The following CUBN variants were observed in gnomAD, a reference collection of about 807,000 sequenced individuals.
CUBN encodes 460 kDa receptor.
A neutral mutation model predicts 405.3 loss-of-function variants in CUBN; 282 were observed. The observed-to-expected ratio is 0.70, with a 90% confidence interval of 0.63 to 0.77. The LOEUF is 0.77. CUBN is among the 30% of genes least tolerant of loss of function. The pLI, the probability that CUBN is intolerant of heterozygous loss-of-function variation, is 0.00. For missense variants in CUBN, 4,514 were observed against 4,475.2 expected (o/e 1.01, Z -0.25); for synonymous variants, 1,684 against 1,617.0 (o/e 1.04, Z -0.99).
chr10:16,902,605 T>C (rs935571410), intron 51 of CUBN, among the ~76,000 whole-genome samples: 8 of 152,062 alleles, frequency 5.3e-5, no homozygotes, highest in African/African-American at 1.9e-4. Context: ...GAGTAGATAA[T>C]CAATTTCACT....
chr10:17,078,187 T>A (rs1835891959), intron 17 of CUBN, among the ~76,000 whole-genome samples: 1 of 152,192 alleles, frequency 6.6e-6, no homozygotes, highest in African/African-American at 2.4e-5. Flanking sequence ...GCATATAGAA[T>A]ATAACCCAGG....
chr10:17,123,573 G>C lies in CUBN; in HGVS notation c.489+15C>G. On this transcript the variant is annotated intron_variant, in intron 5 of 66. Coordinates refer to ENST00000377833, the MANE Select transcript of CUBN (RefSeq NM_001081.4). ...TGACCTGCCATCATTCTTAACCAAA[G>C]AGTAGATGACTCACCTTCCACTGTG... 3.8e-6 allele frequency: 6 copies of C among 1,578,222 alleles called. No individual in the cohort carries two copies. Among genetic ancestry groups the C allele is most frequent in the Non-Finnish European group, 5.2e-6 (6 of 1,148,014 alleles).
intron 6 of CUBN, among the ~76,000 whole-genome samples, chr10:17,119,111 A>C (rs1484035921): frequency 6.6e-6 from 1 of 152,226 alleles, no homozygotes; most frequent in African/African-American, 2.4e-5. Context: ...AAAAGGTAAT[A>C]AGTTTAATAC....
chr10:16,976,168 C>T (rs1833087078), intron 31 of CUBN, among the ~76,000 whole-genome samples: 1 of 151,788 alleles, frequency 6.6e-6, no homozygotes, highest in African/African-American at 2.4e-5. Flanking sequence ...GACAGGGTCT[C>T]ACTACATTGC....
chr10:16,958,323 A>G (rs528790922), intron 31 of CUBN, among the ~76,000 whole-genome samples: 2 of 152,228 alleles, frequency 1.3e-5, no homozygotes, highest in South Asian at 4.2e-4. Context: ...TTTTCTCAAG[A>G]CCAGCCTGGC....
rs545151697 is a variant in CUBN at position 16,861,454 on chromosome 10, G to C, written c.9454+8182C>G. The stretch of plus-strand genomic sequence containing the variant: ...TGGGATTACAGGCGTGAGCCAGCAT[G>C]CCTGGCCAATGAATGCCTTCTTATC... On this transcript the variant is annotated intron_variant, in intron 59 of 66. Coordinates refer to ENST00000377833, the MANE Select transcript of CUBN (RefSeq NM_001081.4). Among the ~76,000 whole-genome samples, 5 of 152,282 alleles carry C rather than the reference G, an allele frequency of 3.3e-5. No individual in the cohort carries two copies. In the South Asian group the frequency reaches 1.0e-3, roughly 32 times the overall value.
At chr10:16,995,769 A>T (rs1833715873) in intron 28 of CUBN, among the ~76,000 whole-genome samples, 1 of 152,186 alleles carries the variant, frequency 6.6e-6, no homozygotes, top group Non-Finnish European at 1.5e-5. Context: ...GTGCACAAAA[A>T]TTTTTTAAAA....
At chr10:16,968,150 C>T (rs558867740) in intron 31 of CUBN, among the ~76,000 whole-genome samples, 2 of 152,116 alleles carry the variant, frequency 1.3e-5, no homozygotes, top group Non-Finnish European at 2.9e-5. Flanking sequence ...TGTCTGTTTG[C>T]TCTGCTTTGG....
intron 22 of CUBN, among the ~76,000 whole-genome samples, chr10:17,064,926 C>G (rs1364677355): frequency 6.6e-6 from 1 of 152,092 alleles, no homozygotes; most frequent in African/African-American, 2.4e-5. Flanking sequence ...ATTCCTTTCC[C>G]TGGAATTTCA....
At chr10:17,105,751 TTCTTA>T (rs1252990732) in intron 10 of CUBN, among the ~76,000 whole-genome samples, 176 bp from the exon 11 acceptor site, 1 of 152,220 alleles carries the variant, frequency 6.6e-6, no homozygotes, top group African/African-American at 2.4e-5. Flanking sequence ...ATTTTTGTAT[TTCTTA>T]TCTTAAAATA....
intron 56 of CUBN, among the ~76,000 whole-genome samples, chr10:16,883,933 G>A (rs557777908): frequency 1.3e-5 from 2 of 152,182 alleles, no homozygotes; most frequent in African/African-American, 4.8e-5. Flanking sequence ...TATCACCAAG[G>A]TGAATTAATG....
chr10:16,976,845 C>T (rs1052473713), intron 31 of CUBN, among the ~76,000 whole-genome samples: 1 of 152,142 alleles, frequency 6.6e-6, no homozygotes, highest in African/African-American at 2.4e-5. Flanking sequence ...CCTAGTCCCC[C>T]CAAAAAGCCT....
chr10:16,887,860 G>A (rs1840866665), intron 56 of CUBN, among the ~76,000 whole-genome samples: 2 of 152,182 alleles, frequency 1.3e-5, no homozygotes, highest in African/African-American at 2.4e-5. Context: ...TAAAGAAAAT[G>A]TGGTAGATAT....
intron 12 of CUBN, among the ~76,000 whole-genome samples, chr10:17,103,569 A>T (rs1836549210): frequency 6.6e-6 from 1 of 152,132 alleles, no homozygotes; most frequent in Non-Finnish European, 1.5e-5. Context: ...CTGTTCTCCC[A>T]TTGGGGTTGG....
chr10:17,010,478 T>TAA (rs1375525067), intron 28 of CUBN, among the ~76,000 whole-genome samples: 5 of 139,130 alleles, frequency 3.6e-5, no homozygotes, highest in Admixed American at 7.2e-5. Context: ...TCAACTCTAC[T>TAA]AAAAAAAAAA....
intron 62 of CUBN, among the ~76,000 whole-genome samples, chr10:16,839,904 A>G (rs1405846057): frequency 2.0e-5 from 3 of 152,164 alleles, no homozygotes; most frequent in Non-Finnish European, 4.4e-5. Flanking sequence ...TGATGAGGTC[A>G]TGTCCTTTGT....
intron 45 of CUBN, among the ~76,000 whole-genome samples, chr10:16,916,917 CA>C (rs1168550024): frequency 1.3e-5 from 2 of 151,362 alleles, no homozygotes; most frequent in Non-Finnish European, 2.9e-5. Flanking sequence ...TGGGTTCAAG[CA>C]ATTCTCTGCC....
At chr10:17,028,259 A>G (rs1295289485) in intron 27 of CUBN, among the ~76,000 whole-genome samples, 2 of 138,292 alleles carry the variant, frequency 1.4e-5, no homozygotes, top group Non-Finnish European at 3.2e-5. Flanking sequence ...TATTATTATT[A>G]TTATGCCTCT....
intron 28 of CUBN, among the ~76,000 whole-genome samples, chr10:17,007,210 G>GC (rs1404025605): frequency 6.7e-6 from 1 of 149,850 alleles, no homozygotes; most frequent in Non-Finnish European, 1.5e-5. Context: ...CCAGATGGAG[G>GC]CCTCCAAGGC....
Sources: allele counts gnomAD v4.1 joint callset (sites outside exome capture counted in the v4.1 genomes callset), GRCh38; gene constraint gnomAD v4.1.1; transcripts MANE v1.5; gene names NCBI Gene and HGNC (gene_info 2026-07-23, HGNC 2026-07-21).